The following OR52A1 variants were observed in gnomAD, a reference collection of about 807,000 sequenced individuals.
OR52A1 encodes the protein olfactory receptor 52A1.
Under a neutral mutation model 14.3 loss-of-function variants are expected in OR52A1, and 14 were observed. The observed-to-expected ratio is 0.98, with a 90% CI of 0.65 to 1.54. OR52A1 has a LOEUF of 1.54. OR52A1 is among the 40% of genes most tolerant of loss of function. The probability of loss-of-function intolerance (pLI) is 0.00; values close to 1 mark genes in which losing one functional copy is unlikely to be tolerated. For synonymous variants in OR52A1, 151 were observed against 135.3 expected (o/e 1.12, Z -0.80); for missense variants, 405 against 381.3 (o/e 1.06, Z -0.52).
rs1846554120 is a variant in OR52A1 at position 5,152,209 on chromosome 11, T to C, written c.161A>G (p.Glu54Gly). 6.2e-7 allele frequency: 1 copy of C among 1,614,138 alleles called. No individual in the cohort carries two copies. Among genetic ancestry groups the C allele is most frequent in the East Asian group, 2.2e-5 (1 of 44,882 alleles). The change falls in exon 2 of 2, where the codon GAG becomes GGG. Residue 54 changes from glutamate to glycine, a missense_variant. Transcript: ENST00000380367. ...GTACAAGGGCTCATGGAGACTGCGCTCAGATTTGATGATGCTCAGAAGCAA... is the reference window on the plus strand; with the variant it reads ...GTACAAGGGCTCATGGAGACTGCGCCCAGATTTGATGATGCTCAGAAGCAA... Reference protein sequence around the residue: ...NSLLLSIIKSERSLHEPLYIF... With the variant: ...NSLLLSIIKSGRSLHEPLYIF...
rs553881719 is a variant in OR52A1 at position 5,148,984 on chromosome 11, G to A, written c.*2447C>T. ...TTGAAATTGATGTAATCTCCTGGAA[G>A]TTAATTTTATGATTTCTAGAAACCT... is the stretch of plus-strand genomic sequence containing the variant. On this transcript the variant is annotated 3_prime_UTR_variant, in exon 2 of 2. Coordinates refer to ENST00000380367, the MANE Select transcript of OR52A1 (RefSeq NM_012375.3). 7.9e-5 allele frequency: 12 copies of A among 152,284 alleles called. No individual in the cohort carries two copies. The East Asian group carries it at 1.5e-3, about 20-fold the overall frequency. The allele number at this position is 152,284 out of a possible 1,614,324, so 9.4% of individuals were successfully genotyped here.
In OR52A1 at chr11:5,151,204, A is replaced by C; in HGVS notation, c.*227T>G. On this transcript the variant is annotated 3_prime_UTR_variant, in exon 2 of 2. Coordinates refer to ENST00000380367, the MANE Select transcript of OR52A1 (RefSeq NM_012375.3). ...ACCAGGGGCTAAAGAATAAAAGAGAAAAAATAATATATATTCACTACTTCA... is the reference window on the plus strand; with the variant it reads ...ACCAGGGGCTAAAGAATAAAAGAGACAAAATAATATATATTCACTACTTCA... The C allele has an allele frequency of 2.6e-6, 1 of 386,188 alleles. No homozygotes were observed. The highest frequency in any genetic ancestry group is 4.1e-5 in the East Asian group (1 of 24,210). The allele number at this position is 386,188 out of a possible 1,614,324, so 23.9% of individuals were successfully genotyped here.
chr11:5,151,531 G>C lies in OR52A1; in HGVS notation c.839C>G (p.Ser280Cys). The C allele has an allele frequency of 6.2e-7, 1 of 1,613,766 alleles. No homozygotes were observed. Among genetic ancestry groups the C allele is most frequent in the Non-Finnish European group, 8.5e-7 (1 of 1,179,918 alleles). ...TGGAGGGACCAGCAAGTAAATGCTA[G>C]AAAAGAGAATATGGATATAAGGGGA... ...HISPYIHILFSSIYLLVPPFL... is the reference protein window; with the variant it reads ...HISPYIHILFCSIYLLVPPFL... Residue 280 changes from serine (S) to cysteine (C), a missense_variant, in exon 2 of 2, where the codon TCT (serine) becomes TGT (cysteine). By Grantham distance (112) the Ser-to-Cys change is moderately radical. Transcript: ENST00000380367.
In OR52A1 at chr11:5,148,900, T is replaced by C. The variant is rs1589864316; in HGVS notation, c.*2531A>G. 6.6e-6 allele frequency: 1 copy of C among 152,244 alleles called. No homozygotes were observed. Among genetic ancestry groups the C allele is most frequent in the Non-Finnish European group, 1.5e-5 (1 of 68,046 alleles). The allele number at this position is 152,244 out of a possible 1,614,324, so 9.4% of individuals were successfully genotyped here. A position where few individuals can be genotyped will look rare whatever the true frequency, so the allele number is the denominator to read the frequency against. ...ATTTCACCTATCAAACTGTCAAAGG[T>C]AAATATCGGTAATAACTAGTGTTGT... On this transcript the variant is annotated 3_prime_UTR_variant, in exon 2 of 2. Transcript: ENST00000380367.
chr11:5,149,190 G>A lies in OR52A1; in HGVS notation c.*2241C>T, dbSNP rs999575883. ...TTTCTATTAGTAAGTCTCAGCTTGGGACTGATCCTGAAATTTGAAGACTAC... is the reference window on the plus strand; with the variant it reads ...TTTCTATTAGTAAGTCTCAGCTTGGAACTGATCCTGAAATTTGAAGACTAC... On this transcript the variant is annotated 3_prime_UTR_variant, in exon 2 of 2. Transcript: ENST00000380367. 6.6e-6 allele frequency: 1 copy of A among 152,084 alleles called. No homozygotes were observed. The highest frequency in any genetic ancestry group is 1.5e-5 in the Non-Finnish European group (1 of 68,020). The allele number at this position is 152,084 out of a possible 1,614,324, so 9.4% of individuals were successfully genotyped here.
rs1356064932 is a variant in OR52A1, at chr11:5,151,859, A to G, written c.511T>C (p.Phe171Leu). 6.2e-7 allele frequency: 1 copy of G among 1,614,208 alleles called. No individual in the cohort carries two copies. The highest frequency in any genetic ancestry group is 1.7e-5 in the Admixed American group (1 of 60,028). ...TGGGAGATGACTGTTGTGTGATAAA[A>G]TTGAAACCGGCACTTTATCAGTACT... ...CLVLIKCRFQFYHTTVISHSY... is the reference protein window; with the variant it reads ...CLVLIKCRFQLYHTTVISHSY... The change falls in exon 2 of 2, where the codon TTT becomes CTT. Residue 171 changes from phenylalanine to leucine, a missense_variant. Physicochemically the swap from Phe to Leu is conservative, Grantham distance 22. Coordinates refer to ENST00000380367, the MANE Select transcript of OR52A1 (RefSeq NM_012375.3).
Position 5,152,170 on chromosome 11 carries a change from A to G in OR52A1, c.200T>C (p.Met67Thr), listed in dbSNP as rs1397599582. ...AAGTGCAATGTCTGTGGCTCCTAGC[A>G]TGCCTAAGAAAATGTACAAGGGCTC... ...LHEPLYIFLG[M>T]LGATDIALAS... Residue 67 changes from methionine to threonine, a missense_variant, in exon 2 of 2, where the codon ATG (methionine) becomes ACG (threonine). Met to Thr is a moderately conservative substitution (Grantham distance 81, BLOSUM62 -1). Transcript: ENST00000380367. 6.2e-7 allele frequency: 1 copy of G among 1,614,152 alleles called. No individual in the cohort carries two copies.
chr11:5,154,387 T>C (rs959447899), intron 1 of OR52A1, 60 bp downstream of exon 1: 1 of 152,180 alleles, frequency 6.6e-6, no homozygotes, highest in Non-Finnish European at 1.5e-5. Context: ...CTGGTTTTGC[T>C]CTTACCAGAT....
In OR52A1 at chr11:5,152,269, C is replaced by G; in HGVS notation, c.101G>C (p.Cys34Ser). The G allele has an allele frequency of 6.2e-7, 1 of 1,614,100 alleles. No homozygotes were observed. Among genetic ancestry groups the G allele is most frequent in the Non-Finnish European group, 8.5e-7 (1 of 1,179,984 alleles). ...AATCATAGCAATGAGATAAATGGCA[C>G]AGAATGGAATCCCAATCCAGCACTG... is the stretch of plus-strand genomic sequence containing the variant. ...SVQCWIGIPF[C>S]AIYLIAMIGN... The change falls in exon 2 of 2, where the codon TGT (cysteine) becomes TCT (serine). Residue 34 changes from cysteine (C) to serine (S), a missense_variant. Coordinates refer to ENST00000380367, the MANE Select transcript of OR52A1 (RefSeq NM_012375.3).
At position 5,151,673 on chromosome 11, in the gene OR52A1, G is replaced by A; in HGVS notation, c.697C>T (p.Gln233Ter). The part of the protein sequence containing the change: ...QIFITVFRLP[Q>*]KEARFKAFNT... Reference sequence around the variant, plus strand: ...AATGCTTTAAACCTAGCCTCCTTCTGGGGCAAACGAAAAACTGTGATAAAT... The same window carrying A: ...AATGCTTTAAACCTAGCCTCCTTCTAGGGCAAACGAAAAACTGTGATAAAT... Residue 233 changes from glutamine to a stop codon, truncating the protein, a stop_gained, in exon 2 of 2, where the codon CAG becomes TAG. Transcript: ENST00000380367. LOFTEE classifies it high-confidence loss of function. 1 of 1,614,074 alleles carries A rather than the reference G, an allele frequency of 6.2e-7. No homozygotes were observed. The highest frequency in any genetic ancestry group is 8.5e-7 in the Non-Finnish European group (1 of 1,179,972).
At position 5,151,692 on chromosome 11, in the gene OR52A1, G is replaced by A; in HGVS notation, c.678C>T (p.Ile226=). The A allele has an allele frequency of 6.2e-7, 1 of 1,614,180 alleles. No homozygotes were observed. Among genetic ancestry groups the A allele is most frequent in the Non-Finnish European group, 8.5e-7 (1 of 1,180,016 alleles). Residue 226 remains isoleucine, a synonymous_variant, in exon 2 of 2, where the codon ATC becomes ATT. Transcript: ENST00000380367. Reference sequence around the variant, plus strand: ...CCTTCTGGGGCAAACGAAAAACTGTGATAAATATCTGGATGTAGGACAATG... The same window carrying A: ...CCTTCTGGGGCAAACGAAAAACTGTAATAAATATCTGGATGTAGGACAATG... ...FITLSYIQIF[I]TVFRLPQKEA...
chr11:5,150,276 A>T lies in OR52A1; in HGVS notation c.*1155T>A, dbSNP rs1846526201. On this transcript the variant is annotated 3_prime_UTR_variant, in exon 2 of 2. Coordinates refer to ENST00000380367, the MANE Select transcript of OR52A1 (RefSeq NM_012375.3). ...TCTTACTTGTAGAACACAAGCAAAC[A>T]AATGAATACTCTCCAATGGCACATT... 2 of 152,214 alleles carry T rather than the reference A, an allele frequency of 1.3e-5. No individual in the cohort carries two copies. Among genetic ancestry groups the T allele is most frequent in the Non-Finnish European group, 2.9e-5 (2 of 68,074 alleles). 9.4% of individuals were successfully genotyped at this position (152,214 alleles called of 1,614,324 possible).
At position 5,151,703 on chromosome 11, in the gene OR52A1, G is replaced by A. The variant is rs1176896330; in HGVS notation, c.667C>T (p.Gln223Ter). ...AAACGAAAAACTGTGATAAATATCT[G>A]GATGTAGGACAATGTGATGAATGTG... is the stretch of plus-strand genomic sequence containing the variant. ...DLTFITLSYI[Q>*]IFITVFRLPQ... Residue 223 changes from glutamine (Q) to a stop codon, truncating the protein, a stop_gained, in exon 2 of 2, where the codon CAG becomes TAG. Coordinates refer to ENST00000380367, the MANE Select transcript of OR52A1 (RefSeq NM_012375.3). LOFTEE classifies it high-confidence loss of function. 2.5e-6 allele frequency: 4 copies of A among 1,614,164 alleles called. No homozygotes were observed. Among genetic ancestry groups the A allele is most frequent in the Non-Finnish European group, 3.4e-6 (4 of 1,180,016 alleles).
rs1846559526 is a variant in OR52A1 at position 5,152,423 on chromosome 11, T to C, written c.-54A>G. On this transcript the variant is annotated 5_prime_UTR_variant, in exon 2 of 2. Transcript: ENST00000380367. ...AAAGAAGTTTCTCAGTCAGTGTTAC[T>C]GTTCCTCTTCTGCTTTCTGATTTTC... The C allele has an allele frequency of 1.4e-5, 18 of 1,283,532 alleles. No homozygotes were observed. The highest frequency in any genetic ancestry group is 1.7e-5 in the Non-Finnish European group (16 of 920,500). 79.5% of individuals were successfully genotyped at this position (1,283,532 alleles called of 1,614,324 possible).
At position 5,152,310 on chromosome 11, in the gene OR52A1, T is replaced by C. The variant is rs1429854204; in HGVS notation, c.60A>G (p.Pro20=). ...TCCAGCACTGCACAGATTCTAGGCC[T>C]GGGATCCCTACTAGTGTCAACACAG... ...MPSVLTLVGI[P]GLESVQCWIG... Residue 20 remains proline (P), a synonymous_variant, in exon 2 of 2, where the codon CCA becomes CCG. Coordinates refer to ENST00000380367, the MANE Select transcript of OR52A1 (RefSeq NM_012375.3). 1.2e-6 allele frequency: 2 copies of C among 1,614,000 alleles called. No homozygotes were observed. Among genetic ancestry groups the C allele is most frequent in the Non-Finnish European group, 1.7e-6 (2 of 1,179,908 alleles).
Position 5,149,930 on chromosome 11 carries a change from A to G in OR52A1, c.*1501T>C, listed in dbSNP as rs1184711218. ...ATATCTGCTAAGTCCTAATCCGTGA[A>G]GCCAGAGGATCCACCAGGTGGGTGT... On this transcript the variant is annotated 3_prime_UTR_variant, in exon 2 of 2. Coordinates refer to ENST00000380367, the MANE Select transcript of OR52A1 (RefSeq NM_012375.3). The G allele has an allele frequency of 6.6e-6, 1 of 152,220 alleles. No individual in the cohort carries two copies. The allele number at this position is 152,220 out of a possible 1,614,324, so 9.4% of individuals were successfully genotyped here.
rs1252084735 is a variant in OR52A1, at chr11:5,151,493, G to A, written c.877C>T (p.Leu293Phe). Reference protein sequence around the residue: ...YLLVPPFLNPLVYGAKTTQIR... With the variant: ...YLLVPPFLNPFVYGAKTTQIR... ...TGTGTGGTCTTTGCACCATAGACAA[G>A]TGGATTGAGAAATGGAGGGACCAGC... The change falls in exon 2 of 2, where the codon CTT (leucine) becomes TTT (phenylalanine). Residue 293 changes from leucine to phenylalanine, a missense_variant. Leu to Phe is a conservative substitution (Grantham distance 22, BLOSUM62 0). Transcript: ENST00000380367. 6.2e-7 allele frequency: 1 copy of A among 1,614,080 alleles called. No homozygotes were observed. The highest frequency in any genetic ancestry group is 2.2e-5 in the East Asian group (1 of 44,886).
Position 5,148,118 on chromosome 11 carries a change from G to A in OR52A1, c.*3313C>T, listed in dbSNP as rs180809018. 2.0e-5 allele frequency: 3 copies of A among 152,196 alleles called. No individual in the cohort carries two copies. The highest frequency in any genetic ancestry group is 7.2e-5 in the African/African-American group (3 of 41,554). 9.4% of individuals were successfully genotyped at this position (152,196 alleles called of 1,614,324 possible). A position where few individuals can be genotyped will look rare whatever the true frequency, so the allele number is the denominator to read the frequency against. On this transcript the variant is annotated 3_prime_UTR_variant, in exon 2 of 2. Transcript: ENST00000380367. ...ATAGAAGGCTTGTTGCCAAAGGACA[G>A]TTCTCTACCAAGAAGGGTGGAAATG...
Position 5,147,796 on chromosome 11 carries a change from T to TC in OR52A1, c.*3634_*3635insG, listed in dbSNP as rs1490757650. 1 of 151,570 alleles carries TC rather than the reference T, an allele frequency of 6.6e-6. No homozygotes were observed. The highest frequency in any genetic ancestry group is 1.9e-4 in the East Asian group (1 of 5,180). 9.4% of individuals were successfully genotyped at this position (151,570 alleles called of 1,614,324 possible). A position where few individuals can be genotyped will look rare whatever the true frequency, so the allele number is the denominator to read the frequency against. On this transcript the variant is annotated 3_prime_UTR_variant, in exon 2 of 2. Transcript: ENST00000380367. Reference sequence around the variant, plus strand: ...GGTAGGACAAAATATTACCTGTATTTTTTTTTTTTTTTCGGAGACAGAGTC... The same window carrying TC: ...GGTAGGACAAAATATTACCTGTATTTCTTTTTTTTTTTTCGGAGACAGAGTC...
Sources: allele counts gnomAD v4.1 joint callset, GRCh38; gene constraint gnomAD v4.1.1; transcripts MANE v1.5; gene names NCBI Gene and HGNC (gene_info 2026-07-23, HGNC 2026-07-21).